The following SMARCA2 variants were observed in gnomAD, a reference collection of about 807,000 sequenced individuals.
SMARCA2 encodes the protein SWI/SNF-related matrix-associated actin-dependent regulator of chromatin subfamily A member 2.
Under a neutral mutation model 199.8 loss-of-function variants are expected in SMARCA2, and 61 were observed. The ratio of observed to expected loss-of-function variants is 0.31; its 90% CI spans 0.25 to 0.38. SMARCA2 has a LOEUF of 0.38. SMARCA2 is among the 10% of genes least tolerant of loss of function. SMARCA2 has a pLI of 1.00. For missense variants in SMARCA2, 1,344 were observed against 2,012.2 expected, an observed-to-expected ratio of 0.67 and a Z score of 6.35; for synonymous variants, 935 against 732.0, an observed-to-expected ratio of 1.28 and a Z score of -4.48.
chr9:2,035,396 T>G (rs1490293070), intron 3 of SMARCA2, among the ~76,000 whole-genome samples: 2 of 152,184 alleles, frequency 1.3e-5, no homozygotes, highest in African/African-American at 4.8e-5. Context: ...GTTTAGTGAT[T>G]CTTGAAGCCA....
At chr9:2,105,339 G>A (rs543851994) in intron 23 of SMARCA2, among the ~76,000 whole-genome samples, 10 of 152,012 alleles carry the variant, frequency 6.6e-5, no homozygotes, top group African/African-American at 1.4e-4. Flanking sequence ...TCTGCCACCC[G>A]GGTTCAGGTG....
intron 31 of SMARCA2, among the ~76,000 whole-genome samples, chr9:2,184,718 C>T (rs779793546): frequency 6.6e-6 from 1 of 152,058 alleles, no homozygotes; most frequent in Non-Finnish European, 1.5e-5. Context: ...TTTATTCTTG[C>T]CTCCTCATCT....
intron 25 of SMARCA2, among the ~76,000 whole-genome samples, chr9:2,117,445 A>G (rs1019174020): frequency 6.6e-6 from 1 of 152,250 alleles, no homozygotes; most frequent in Admixed American, 6.5e-5. Context: ...TAGAAATTGA[A>G]TATTTGATAC....
chr9:2,133,985 G>A (rs901554850), intron 27 of SMARCA2, among the ~76,000 whole-genome samples: 12 of 152,012 alleles, frequency 7.9e-5, no homozygotes, highest in African/African-American at 2.7e-4. Context: ...TTCCTCTCAG[G>A]GAAAATCATA....
At chr9:2,091,774 G>C (rs1232955125) in intron 19 of SMARCA2, among the ~76,000 whole-genome samples, 1 of 152,150 alleles carries the variant, frequency 6.6e-6, no homozygotes, top group Non-Finnish European at 1.5e-5. Flanking sequence ...GCTATTGTCA[G>C]TTTTTCAAGA....
chr9:2,016,344 C>G lies in SMARCA2; in HGVS notation c.-37+940C>G, dbSNP rs1169565290. 6.6e-6 allele frequency: 1 copy of G among 152,328 alleles called. No homozygotes were observed. Among genetic ancestry groups the G allele is most frequent in the Non-Finnish European group, 1.5e-5 (1 of 68,166 alleles). 9.4% of individuals were successfully genotyped at this position (152,328 alleles called of 1,614,324 possible). ...TTCGGGATGTCCGGCCCGGGCCGCA[C>G]TGCTGGAGGGAAGGGAGGAGGCCCC... On this transcript the variant is annotated intron_variant, in intron 1 of 33. Transcript: ENST00000349721. This position sits in a 1 kb window ranked among gnomAD's most constrained non-coding sequence, Gnocchi z 5.6.
At chr9:2,191,519 A>G (rs1827884264) in intron 33 of SMARCA2, 111 bp downstream of exon 33, 11 of 1,180,436 alleles carry the variant, frequency 9.3e-6, no homozygotes, top group Non-Finnish European at 1.2e-5. Flanking sequence ...AGGACTGGAA[A>G]TGTCAGGATT....
chr9:2,155,189 A>T (rs540065908), intron 27 of SMARCA2, among the ~76,000 whole-genome samples: 2 of 152,246 alleles, frequency 1.3e-5, no homozygotes, highest in African/African-American at 4.8e-5. Context: ...TCATTCTCCA[A>T]ATAGAGTATA....
intron 23 of SMARCA2, among the ~76,000 whole-genome samples, chr9:2,105,655 G>T (rs546600695): frequency 3.3e-5 from 5 of 152,160 alleles, no homozygotes; most frequent in African/African-American, 1.2e-4. Context: ...GTTTTTCTCT[G>T]TTGGCAAATT....
chr9:2,148,375 G>C (rs566308305), intron 27 of SMARCA2, among the ~76,000 whole-genome samples: 1 of 151,686 alleles, frequency 6.6e-6, no homozygotes, highest in Admixed American at 6.6e-5. Context: ...GGTCAGTTGA[G>C]TGAGCCTCTT....
chr9:2,055,847 G>T (rs1008599661), intron 6 of SMARCA2, among the ~76,000 whole-genome samples: 6 of 152,198 alleles, frequency 3.9e-5, no homozygotes, highest in Admixed American at 2.0e-4. Context: ...TATTAACCAA[G>T]TATATTTTCC....
At chr9:2,173,406 G>A (rs1826364728) in intron 29 of SMARCA2, among the ~76,000 whole-genome samples, 2 of 152,208 alleles carry the variant, frequency 1.3e-5, no homozygotes, top group Middle Eastern at 3.2e-3. Context: ...GCGAGAGGCT[G>A]TAATGATAGC....
chr9:2,088,524 A>G lies in SMARCA2; in HGVS notation c.2794A>G (p.Ile932Val), dbSNP rs1131692008. 3 of 1,585,980 alleles carry G rather than the reference A, an allele frequency of 1.9e-6. No individual in the cohort carries two copies. The highest frequency in any genetic ancestry group is 2.2e-5 in the East Asian group (1 of 44,452). Reference sequence around the variant, plus strand: ...GGTGGACTTAAATGAAGAAGAAACTATATTGATCATCAGGCGTCTACATAA... The same window carrying G: ...GGTGGACTTAAATGAAGAAGAAACTGTATTGATCATCAGGCGTCTACATAA... ...ERVDLNEEETILIIRRLHKVL... is the reference protein window; with the variant it reads ...ERVDLNEEETVLIIRRLHKVL... The change falls in exon 19 of 34, where the codon ATA becomes GTA. Residue 932 changes from isoleucine to valine, a missense_variant. Physicochemically the swap from Ile to Val is conservative, Grantham distance 29. This residue lies in a region of SMARCA2 where 98 missense variants were observed against 245.6 expected (regional missense o/e 0.40). Coordinates refer to ENST00000349721, the MANE Select transcript of SMARCA2 (RefSeq NM_003070.5).
chr9:2,083,550 T>G, intron 16 of SMARCA2, 137 bp downstream of exon 16: 1 of 542,686 alleles, frequency 1.8e-6, no homozygotes, highest in East Asian at 3.0e-5. Context: ...ACCGTGAGAG[T>G]TAATCATCCC....
At chr9:2,068,403 A>C (rs1003358200) in intron 9 of SMARCA2, among the ~76,000 whole-genome samples, 6 of 152,184 alleles carry the variant, frequency 3.9e-5, no homozygotes, top group African/African-American at 1.4e-4. Context: ...GTGCTTTGGC[A>C]TACATACATA....
In SMARCA2 at chr9:2,047,493, C is replaced by T. The variant is rs779014125; in HGVS notation, c.1046+9C>T. On this transcript the variant is annotated intron_variant, in intron 5 of 33. Coordinates refer to ENST00000349721, the MANE Select transcript of SMARCA2 (RefSeq NM_003070.5). ...CAAGAGCGGGAATACAGGTAACGCACCCCGCCAGCAAGGGGCCCCCTGCGG... is the reference window on the plus strand; with the variant it reads ...CAAGAGCGGGAATACAGGTAACGCATCCCGCCAGCAAGGGGCCCCCTGCGG... 4 of 1,420,028 alleles carry T rather than the reference C, an allele frequency of 2.8e-6. No individual in the cohort carries two copies. The East Asian group carries it at 8.2e-5, about 29-fold the overall frequency. The allele number at this position is 1,420,028 out of a possible 1,614,324, so 88.0% of individuals were successfully genotyped here.
chr9:2,077,931 T>C (rs1410101482), intron 14 of SMARCA2, among the ~76,000 whole-genome samples, 155 bp downstream of exon 14: 1 of 152,234 alleles, frequency 6.6e-6, no homozygotes, highest in Non-Finnish European at 1.5e-5. Context: ...CCTATGATTC[T>C]TCTTTTAGAG....
intron 27 of SMARCA2, among the ~76,000 whole-genome samples, chr9:2,139,677 T>C (rs1207012142): frequency 6.6e-6 from 1 of 152,196 alleles, no homozygotes; most frequent in East Asian, 1.9e-4. Context: ...TGGAGTCAGC[T>C]GGTCGTCAGA....
intron 32 of SMARCA2, among the ~76,000 whole-genome samples, chr9:2,190,528 CT>C (rs755643429): frequency 1.5e-4 from 23 of 152,236 alleles, no homozygotes; most frequent in Non-Finnish European, 1.6e-4. Context: ...ATAAAGATCC[CT>C]TTGGGATAAC....
Sources: allele counts gnomAD v4.1 joint callset (sites outside exome capture counted in the v4.1 genomes callset), GRCh38; gene constraint gnomAD v4.1.1; regional missense constraint gnomAD v4.1.1; non-coding constraint Gnocchi (gnomAD v3.1); transcripts MANE v1.5; gene names NCBI Gene and HGNC (gene_info 2026-07-23, HGNC 2026-07-21).